Variants in SYNDIG1 observed in about 807,000 individuals in gnomAD.
The protein encoded by SYNDIG1 is synapse differentiation inducing 1, also known as synapse differentiation-inducing gene protein 1.
SYNDIG1 carries 9 observed loss-of-function variants against 19.4 expected under a neutral mutation model. That is an observed-to-expected ratio of 0.46 (90% CI 0.28 to 0.81). SYNDIG1 has a LOEUF of 0.81. SYNDIG1 is among the 30% of genes least tolerant of loss of function. SYNDIG1 has a pLI of 0.12. For synonymous variants in SYNDIG1, 141 were observed against 145.9 expected (o/e 0.97, Z 0.24); for missense variants, 311 against 343.3 (o/e 0.91, Z 0.74).
At chr20:24,562,722 T>A (rs543522192) in intron 2 of SYNDIG1, among the ~76,000 whole-genome samples, 1 of 152,362 alleles carries the variant, frequency 6.6e-6, no homozygotes, top group South Asian at 2.1e-4. Flanking sequence ...TTCAGACTTG[T>A]GCTTTTCAGA....
intron 2 of SYNDIG1, among the ~76,000 whole-genome samples, chr20:24,560,742 G>T (rs1600630107): frequency 8.9e-5 from 9 of 100,696 alleles, no homozygotes; most frequent in East Asian, 5.4e-4. Context: ...ATGCTTTCCT[G>T]TTTCTATACC....
At chr20:24,542,192 A>T (rs2057482343) in intron 1 of SYNDIG1, among the ~76,000 whole-genome samples, 1 of 148,530 alleles carries the variant, frequency 6.7e-6, no homozygotes, top group Non-Finnish European at 1.5e-5. Context: ...AAGAAAAAAA[A>T]GTTGTTCTTT....
At chr20:24,504,453 G>A (rs569482173) in intron 1 of SYNDIG1, among the ~76,000 whole-genome samples, 43 of 152,268 alleles carry the variant, frequency 2.8e-4, no homozygotes, top group Admixed American at 4.6e-4. Context: ...GAGATGCAGC[G>A]AAGGAAACCC....
At chr20:24,511,430 C>T (rs1215278416) in intron 1 of SYNDIG1, among the ~76,000 whole-genome samples, 1 of 152,176 alleles carries the variant, frequency 6.6e-6, no homozygotes, top group Non-Finnish European at 1.5e-5. Flanking sequence ...ATGGGACCAC[C>T]CCATGTTTTC....
At chr20:24,476,678 AC>A (rs992090369) in intron 1 of SYNDIG1, among the ~76,000 whole-genome samples, 7 of 152,026 alleles carry the variant, frequency 4.6e-5, no homozygotes, top group Non-Finnish European at 7.4e-5. Context: ...TAAAAAAAAA[AC>A]AAACAAACAA....
chr20:24,646,131 C>G (rs1271557253), intron 3 of SYNDIG1, among the ~76,000 whole-genome samples: 1 of 152,196 alleles, frequency 6.6e-6, no homozygotes, highest in Non-Finnish European at 1.5e-5. Context: ...CCTTTCAAGT[C>G]CAGCATCTCA....
chr20:24,564,424 C>T (rs1238063945), intron 2 of SYNDIG1, among the ~76,000 whole-genome samples: 1 of 152,144 alleles, frequency 6.6e-6, no homozygotes, highest in Admixed American at 6.5e-5. Context: ...ACAGAAGAAC[C>T]CACATCTGAA....
At position 24,581,023 on chromosome 20, in the gene SYNDIG1, A is replaced by G. The variant is rs147023633; in HGVS notation, c.481-3833A>G. 1.5e-4 allele frequency among the ~76,000 whole-genome samples: 23 copies of G among 152,314 alleles called. No homozygotes were observed. The East Asian group carries it at 4.4e-3, about 29-fold the overall frequency. On this transcript the variant is annotated intron_variant, in intron 2 of 3. Coordinates refer to ENST00000376862, the MANE Select transcript of SYNDIG1 (RefSeq NM_024893.3). ...GTCACCACCATGAGACAGACTTAGC[A>G]AGAAGCAGAGTCATCAGAGTCCTGG...
At chr20:24,514,522 C>G (rs2056820538) in intron 1 of SYNDIG1, among the ~76,000 whole-genome samples, 1 of 152,234 alleles carries the variant, frequency 6.6e-6, no homozygotes, top group East Asian at 1.9e-4. Context: ...TCAAAAGAGA[C>G]AAAGAAGGCC....
intron 1 of SYNDIG1, among the ~76,000 whole-genome samples, chr20:24,539,997 GT>G (rs2146698072): frequency 6.6e-6 from 1 of 152,132 alleles, no homozygotes; most frequent in South Asian, 2.1e-4. Context: ...GGCCAGGCTG[GT>G]TTCGAACTCC....
intron 1 of SYNDIG1, among the ~76,000 whole-genome samples, chr20:24,519,529 C>A (rs2056958881): frequency 6.6e-6 from 1 of 152,178 alleles, no homozygotes. Flanking sequence ...CATGTTGTCA[C>A]TTCTGGGTTC....
intron 2 of SYNDIG1, among the ~76,000 whole-genome samples, chr20:24,567,589 GCCT>G (rs2058071110): frequency 1.3e-5 from 2 of 152,208 alleles, no homozygotes; most frequent in Admixed American, 6.5e-5. Context: ...AGAGCCTCCA[GCCT>G]CCTCCTTTCT....
intron 1 of SYNDIG1, among the ~76,000 whole-genome samples, chr20:24,507,625 C>T (rs1159436051): frequency 3.9e-5 from 6 of 152,210 alleles, no homozygotes; most frequent in Non-Finnish European, 8.8e-5. Context: ...AGGAAGGTGG[C>T]AGCTTCCTCC....
At position 24,572,480 on chromosome 20, in the gene SYNDIG1, C is replaced by A. The variant is rs192753822; in HGVS notation, c.481-12376C>A. On this transcript the variant is annotated intron_variant, in intron 2 of 3. Coordinates refer to ENST00000376862, the MANE Select transcript of SYNDIG1 (RefSeq NM_024893.3). Reference sequence around the variant, plus strand: ...TTTAAGGCTCTCAAACTGCAGAGGGCTGGTGACTTTGGCCACTGCCTGGAA... The same window carrying A: ...TTTAAGGCTCTCAAACTGCAGAGGGATGGTGACTTTGGCCACTGCCTGGAA... Among the ~76,000 whole-genome samples, 297 of 152,318 alleles carry A rather than the reference C, an allele frequency of 1.9e-3. 2 individuals carry two copies. Among genetic ancestry groups the A allele is most frequent in the Non-Finnish European group, 3.4e-3 (233 of 68,036 alleles).
chr20:24,521,673 G>A (rs1458635317), intron 1 of SYNDIG1, among the ~76,000 whole-genome samples: 1 of 152,086 alleles, frequency 6.6e-6, no homozygotes, highest in Non-Finnish European at 1.5e-5. Flanking sequence ...CGAGGAGGGT[G>A]GATCCCCTGA....
intron 3 of SYNDIG1, among the ~76,000 whole-genome samples, chr20:24,638,097 G>A (rs1209789590): frequency 6.6e-6 from 1 of 152,198 alleles, no homozygotes; most frequent in Non-Finnish European, 1.5e-5. Flanking sequence ...AGGTGAATGA[G>A]TTGCCCAAGT....
At chr20:24,567,429 C>T (rs1424718605) in intron 2 of SYNDIG1, among the ~76,000 whole-genome samples, 1 of 152,158 alleles carries the variant, frequency 6.6e-6, no homozygotes, top group African/African-American at 2.4e-5. Context: ...ACTTCCTGCC[C>T]AGGGGAGCCC....
chr20:24,656,352 T>A (rs759026712), intron 3 of SYNDIG1, among the ~76,000 whole-genome samples: 8 of 152,232 alleles, frequency 5.3e-5, no homozygotes, highest in Non-Finnish European at 1.0e-4. Context: ...GTCCCACTGA[T>A]TCTAGCCGTA....
At chr20:24,569,656 T>G (rs927604493) in intron 2 of SYNDIG1, among the ~76,000 whole-genome samples, 3 of 152,202 alleles carry the variant, frequency 2.0e-5, no homozygotes, top group Admixed American at 1.3e-4. Flanking sequence ...ACCCCAGCTT[T>G]CTATTAAAAA....
Sources: gnomAD v4.1 joint callset for allele counts (sites outside exome capture counted in the v4.1 genomes callset) on GRCh38, gnomAD v4.1.1 for gene constraint, MANE v1.5 for transcripts, NCBI Gene and HGNC (gene_info 2026-07-23, HGNC 2026-07-21) for gene names.